Variants in SNX25 observed in about 807,000 individuals in gnomAD.
The protein encoded by SNX25 is sorting nexin-25.
A neutral mutation model predicts 113.7 loss-of-function variants in SNX25; 62 were observed. The observed-to-expected ratio is 0.55, with a 90% confidence interval of 0.44 to 0.67. SNX25 has a LOEUF of 0.67. SNX25 is among the 30% of genes least tolerant of loss of function. The pLI is 0.00. For missense variants in SNX25, 1,014 were observed against 1,161.0 expected (o/e 0.87, Z 1.84); for synonymous variants, 421 against 436.2 (o/e 0.97, Z 0.43).
intron 7 of SNX25, among the ~76,000 whole-genome samples, chr4:185,317,655 G>A (rs1208761692): frequency 1.3e-5 from 2 of 152,166 alleles, no homozygotes; most frequent in African/African-American, 4.8e-5. Context: ...AAAAGAATGA[G>A]TTCATGTCCT....
chr4:185,371,029 T>C, downstream of SNX25: 1 of 484,396 alleles, frequency 2.1e-6, no homozygotes, highest in Admixed American at 3.3e-5. Flanking sequence ...TCTCTGTAAT[T>C]ATGCTCAGCA....
intron 5 of SNX25, among the ~76,000 whole-genome samples, chr4:185,286,177 G>A (rs990324801): frequency 2.3e-4 from 35 of 151,994 alleles, no homozygotes; most frequent in African/African-American, 3.1e-4. Context: ...GGGCAGTGGC[G>A]CAATCATAGC....
At position 185,258,038 on chromosome 4, in the gene SNX25, G is replaced by A. The variant is rs538765821; in HGVS notation, c.515-810G>A. Among the ~76,000 whole-genome samples the A allele has an allele frequency of 9.2e-5, 14 of 152,282 alleles. No individual in the cohort carries two copies. In the South Asian group the frequency reaches 2.9e-3, roughly 32 times the overall value. On this transcript the variant is annotated intron_variant, in intron 2 of 18. Transcript: ENST00000652585. Reference sequence around the variant, plus strand: ...AGAGAACACTAAAGAATAAGGAAGGGCAGATATAGGGAGCAGCCATTCCCA... The same window carrying A: ...AGAGAACACTAAAGAATAAGGAAGGACAGATATAGGGAGCAGCCATTCCCA...
intron 1 of SNX25, among the ~76,000 whole-genome samples, chr4:185,236,202 C>G (rs1048817045): frequency 2.6e-5 from 4 of 152,094 alleles, no homozygotes; most frequent in Non-Finnish European, 4.4e-5. Context: ...TTTGCAAAAC[C>G]TCCTGGCCTT....
intron 5 of SNX25, among the ~76,000 whole-genome samples, chr4:185,278,299 AGACCCT>A (rs1441697902): frequency 6.6e-6 from 1 of 152,244 alleles, no homozygotes; most frequent in African/African-American, 2.4e-5. Context: ...CACCTCAGGT[AGACCCT>A]GGCCAAGAGC....
At chr4:185,249,871 T>G (rs1745396607) in intron 2 of SNX25, among the ~76,000 whole-genome samples, 1 of 152,232 alleles carries the variant, frequency 6.6e-6, no homozygotes, top group South Asian at 2.1e-4. Flanking sequence ...TTTAATTTCT[T>G]GAACATATTT....
Position 185,210,243 on chromosome 4 carries a change from C to T in SNX25, c.417C>T (p.Arg139=). 1 of 985,024 alleles carries T rather than the reference C, an allele frequency of 1.0e-6. No individual in the cohort carries two copies. 61.0% of individuals were successfully genotyped at this position (985,024 alleles called of 1,614,324 possible). The change falls in exon 1 of 19, where the codon CGC becomes CGT. Residue 139 remains arginine (R), a synonymous_variant. Coordinates refer to ENST00000652585, the MANE Select transcript of SNX25 (RefSeq NM_001378034.2). This position sits in a 1 kb window ranked among gnomAD's most constrained non-coding sequence, Gnocchi z 4.4. ...GGCTGGCCGCGACCTCAGCCGCCCG[C>T]CGCCCGCCGGGGGTAAGTACCCGAC... ...WSRLAATSAA[R]RPPGSPVYGN...
chr4:185,239,046 G>C (rs1040835816), intron 1 of SNX25, among the ~76,000 whole-genome samples: 3 of 152,188 alleles, frequency 2.0e-5, no homozygotes, highest in Admixed American at 2.0e-4. Flanking sequence ...AAGAGGGTCT[G>C]TAGTAGCCTT....
intron 7 of SNX25, 95 bp downstream of exon 7, chr4:185,310,911 CT>C: frequency 8.3e-7 from 1 of 1,199,186 alleles, no homozygotes; most frequent in Non-Finnish European, 1.1e-6. Context: ...TAGTATTGAA[CT>C]TAGACATGTG....
At chr4:185,368,600 C>T (rs1327978504), downstream of SNX25, among the ~76,000 whole-genome samples, 1 of 152,186 alleles carries the variant, frequency 6.6e-6, no homozygotes, top group African/African-American at 2.4e-5. Flanking sequence ...GATATCATTC[C>T]AGACCCTTCA....
At chr4:185,287,811 G>C (rs985372859) in intron 5 of SNX25, among the ~76,000 whole-genome samples, 4 of 122,336 alleles carry the variant, frequency 3.3e-5, no homozygotes, top group African/African-American at 1.2e-4. Flanking sequence ...GTTTACGTGA[G>C]GGCCTCAGAA....
rs575334638 is a variant in SNX25 at position 185,319,452 on chromosome 4, G to T, written c.1345-1281G>T. Among the ~76,000 whole-genome samples, 9 of 149,942 alleles carry T rather than the reference G, an allele frequency of 6.0e-5. No individual in the cohort carries two copies. In the South Asian group the frequency reaches 1.9e-3, roughly 32 times the overall value. ...GATCTCAGGTGATCTGCCCGCCTTG[G>T]CCTGCCACAGTGCTGGGATTACAGT... On this transcript the variant is annotated intron_variant, in intron 7 of 18. Transcript: ENST00000652585.
chr4:185,268,105 G>C (rs1748397055), intron 5 of SNX25, among the ~76,000 whole-genome samples: 1 of 152,198 alleles, frequency 6.6e-6, no homozygotes, highest in African/African-American at 2.4e-5. Context: ...TCAAGAGTCA[G>C]CTGTAATGAG....
chr4:185,279,005 GAACTAGGAAATGAATATATGGT>G (rs1750160956), intron 5 of SNX25, among the ~76,000 whole-genome samples: 1 of 151,932 alleles, frequency 6.6e-6, no homozygotes, highest in African/African-American at 2.4e-5. Context: ...TAGGCTCTGG[GAACTAGGAAATGAATATATGGT>G]AACATTTTTG....
At chr4:185,301,642 A>G (rs1753691542) in intron 6 of SNX25, among the ~76,000 whole-genome samples, 1 of 152,138 alleles carries the variant, frequency 6.6e-6, no homozygotes, top group Admixed American at 6.5e-5. Context: ...GCTGGAGTGC[A>G]GTGGCACAAT....
At position 185,339,396 on chromosome 4, in the gene SNX25, G is replaced by A. The variant is rs1410185100; in HGVS notation, c.1932G>A (p.Lys644=). Residue 644 remains lysine, a synonymous_variant, in exon 11 of 19, where the codon AAG becomes AAA. Transcript: ENST00000652585. ...TGTGGCAGATTGTTTCCAAGTTGAAGGATGAAATAATCCTAATAGAGAAAG... is the reference window on the plus strand; with the variant it reads ...TGTGGCAGATTGTTTCCAAGTTGAAAGATGAAATAATCCTAATAGAGAAAG... The part of the protein sequence containing the change: ...KPDKKIVSKL[K]DEIILIEKER... 3 of 1,613,816 alleles carry A rather than the reference G, an allele frequency of 1.9e-6. No individual in the cohort carries two copies. The highest frequency in any genetic ancestry group is 2.7e-5 in the African/African-American group (2 of 74,910).
intron 5 of SNX25, among the ~76,000 whole-genome samples, chr4:185,270,164 G>A (rs1470704142): frequency 6.6e-6 from 1 of 151,564 alleles, no homozygotes; most frequent in African/African-American, 2.4e-5. Flanking sequence ...CCAGCCCGGG[G>A]AACATGGCGA....
chr4:185,338,022 A>T lies in SNX25; in HGVS notation c.1915-1357A>T, dbSNP rs995543635. On this transcript the variant is annotated intron_variant, in intron 10 of 18. Transcript: ENST00000652585. ...TGTGCATTTTTAAATTGGGTTGTTT[A>T]TGGTTTTGTTGAGTTTTAGGAGTTT... is the stretch of plus-strand genomic sequence containing the variant. Among the ~76,000 whole-genome samples, 4 of 152,066 alleles carry T rather than the reference A, an allele frequency of 2.6e-5. No homozygotes were observed. The South Asian group carries it at 8.3e-4, about 31-fold the overall frequency.
At chr4:185,362,559 T>G (rs372754940) in intron 17 of SNX25, 52 bp from the exon 18 acceptor site, 2 of 1,532,146 alleles carry the variant, frequency 1.3e-6, no homozygotes, top group Non-Finnish European at 1.8e-6. Flanking sequence ...TGCAAAGCTA[T>G]GCACTGAGCA....
Sources: gnomAD v4.1 joint callset for allele counts (sites outside exome capture counted in the v4.1 genomes callset) on GRCh38, gnomAD v4.1.1 for gene constraint, Gnocchi (gnomAD v3.1) non-coding constraint, MANE v1.5 for transcripts, NCBI Gene and HGNC (gene_info 2026-07-23, HGNC 2026-07-21) for gene names.